The following USP9X variants were observed in gnomAD, a reference collection of about 807,000 sequenced individuals.
USP9X encodes the protein ubiquitin specific peptidase 9 X-linked.
In USP9X, 7 loss-of-function variants were observed where a neutral mutation model predicts 190.3. The observed-to-expected ratio is 0.04, with a 90% confidence interval of 0.02 to 0.07. The LOEUF is 0.07. Ranked by LOEUF, USP9X falls within the 10% of genes least tolerant of loss-of-function variation. The pLI is 1.00. For missense variants in USP9X, 1,010 were observed against 1,916.9 expected (o/e 0.53, Z 8.83); for synonymous variants, 645 against 659.5 (o/e 0.98, Z 0.34).
chrX:41,226,569 T>C (rs1055971374), intron 41 of USP9X, among the ~76,000 whole-genome samples: 5 of 112,181 alleles, frequency 4.5e-5, no homozygotes, highest in Non-Finnish European at 7.5e-5. Context: ...TTAGTGGGGA[T>C]TGCGAAAGCC....
At chrX:41,218,296 TCAA>T in intron 36 of USP9X, 73 bp from the exon 37 acceptor site, 2 of 1,021,527 alleles carry the variant, frequency 2.0e-6, no homozygotes, top group Admixed American at 2.8e-5. Context: ...TTTTTTTGGT[TCAA>T]TGAGACTCAT....
intron 1 of USP9X, among the ~76,000 whole-genome samples, chrX:41,106,887 C>CTTT (rs60809399): frequency 1.3e-5 from 1 of 79,990 alleles, no homozygotes; most frequent in Non-Finnish European, 2.5e-5. Flanking sequence ...CTTTTCTTTT[C>CTTT]TTTTTTTTTT....
At position 41,148,347 on chromosome X, in the gene USP9X, A is replaced by G. The variant is rs768002795; in HGVS notation, c.1420-22A>G. The G allele has an allele frequency of 3.3e-6, 4 of 1,205,338 alleles. No individual in the cohort carries two copies. In the African/African-American group the frequency reaches 5.3e-5, roughly 16 times the overall value. ...TGGTGACTAAATATGTGTTGTTTTC[A>G]TGTCACTTAATTTTTTTCTAGGCCA... On this transcript the variant is annotated intron_variant, in intron 11 of 44. Transcript: ENST00000378308.
chrX:41,142,683 G>A (rs942662844), intron 9 of USP9X, among the ~76,000 whole-genome samples: 2 of 111,430 alleles, frequency 1.8e-5, no homozygotes, highest in African/African-American at 6.5e-5. Flanking sequence ...ACTTTATTCT[G>A]TTGCTATAGA....
intron 33 of USP9X, among the ~76,000 whole-genome samples, chrX:41,213,992 T>C (rs975195519): frequency 8.9e-6 from 1 of 112,286 alleles, no homozygotes; most frequent in African/African-American, 3.2e-5. Flanking sequence ...TATGCATGTG[T>C]CTCACCAGAA....
chrX:41,166,769 T>A (rs1345410708), intron 16 of USP9X, among the ~76,000 whole-genome samples: 1 of 112,077 alleles, frequency 8.9e-6, no homozygotes, highest in Non-Finnish European at 1.9e-5. Context: ...TGTTTGGATG[T>A]CTCACATATT....
chrX:41,184,338 G>GT, intron 22 of USP9X, 59 bp from the exon 23 acceptor site: 1 of 1,133,093 alleles, frequency 8.8e-7, no homozygotes, highest in Non-Finnish European at 1.2e-6. Context: ...ACAAATAGAA[G>GT]TTATTTTTTT....
At chrX:41,148,606 TG>T in intron 12 of USP9X, 31 bp downstream of exon 12, 1 of 1,176,510 alleles carries the variant, frequency 8.5e-7, no homozygotes, top group Non-Finnish European at 1.2e-6. Context: ...TCACTTTTTG[TG>T]ACTTTTCCCC....
chrX:41,123,169 CAGAT>C (rs1342412182), intron 1 of USP9X, among the ~76,000 whole-genome samples: 2 of 111,811 alleles, frequency 1.8e-5, no homozygotes, highest in Non-Finnish European at 1.9e-5. Context: ...AAATTGAAAA[CAGAT>C]AGTTTTTGCC....
At chrX:41,129,661 T>A (rs1219406506) in intron 3 of USP9X, among the ~76,000 whole-genome samples, 1 of 111,150 alleles carries the variant, frequency 9.0e-6, no homozygotes, top group Non-Finnish European at 1.9e-5. Flanking sequence ...TCCAAGAGAG[T>A]GAAGCTTTAA....
intron 1 of USP9X, among the ~76,000 whole-genome samples, chrX:41,114,146 C>T (rs936227757): frequency 8.9e-6 from 1 of 112,529 alleles, no homozygotes; most frequent in Non-Finnish European, 1.9e-5. Flanking sequence ...AAAATGATCT[C>T]TCATGTTCTC....
At chrX:41,115,231 A>AG (rs2062139167) in intron 1 of USP9X, among the ~76,000 whole-genome samples, 1 of 70,070 alleles carries the variant, frequency 1.4e-5, no homozygotes. Flanking sequence ...CAAAAAAAAA[A>AG]AAAAGAAAAA....
chrX:41,196,220 T>A, intron 26 of USP9X, 31 bp from the exon 27 acceptor site: 5 of 1,187,548 alleles, frequency 4.2e-6, no homozygotes, highest in Non-Finnish European at 5.7e-6. Flanking sequence ...ATGGAAATAA[T>A]GTATTAAATG....
chrX:41,139,157 TGAA>T (rs1423688010), intron 6 of USP9X, among the ~76,000 whole-genome samples: 2 of 112,558 alleles, frequency 1.8e-5, no homozygotes, highest in Non-Finnish European at 3.7e-5. Flanking sequence ...TTATAGTTAC[TGAA>T]GAAATAAAAT....
chrX:41,093,017 CCGA>C (rs2061965276), intron 1 of USP9X, among the ~76,000 whole-genome samples: 1 of 111,116 alleles, frequency 9.0e-6, no homozygotes, highest in African/African-American at 3.3e-5. Flanking sequence ...GGACCACAGG[CCGA>C]CATCACCTCA....
intron 1 of USP9X, among the ~76,000 whole-genome samples, chrX:41,100,224 CTAACACT>C (rs1243047179): frequency 8.9e-6 from 1 of 112,438 alleles, no homozygotes; most frequent in Non-Finnish European, 1.9e-5. Flanking sequence ...GTAACAATCA[CTAACACT>C]TAACACCTGT....
At chrX:41,225,774 G>A (rs750162749) in intron 41 of USP9X, among the ~76,000 whole-genome samples, 8 of 112,840 alleles carry the variant, frequency 7.1e-5, no homozygotes, top group Non-Finnish European at 1.1e-4. Context: ...ACAGCCAACA[G>A]CTCTGTAACT....
chrX:41,106,887 C>CTTTTTTTTTT (rs60809399), intron 1 of USP9X, among the ~76,000 whole-genome samples: 3 of 79,984 alleles, frequency 3.8e-5, no homozygotes, highest in Non-Finnish European at 7.5e-5. Context: ...CTTTTCTTTT[C>CTTTTTTTTTT]TTTTTTTTTT....
intron 31 of USP9X, among the ~76,000 whole-genome samples, chrX:41,203,646 A>T (rs1282548009): frequency 1.8e-5 from 2 of 111,683 alleles, no homozygotes; most frequent in Non-Finnish European, 3.8e-5. Context: ...ATTTCCAGGC[A>T]TATGCTCAGA....
Sources: allele counts gnomAD v4.1 joint callset (sites outside exome capture counted in the v4.1 genomes callset), GRCh38; gene constraint gnomAD v4.1.1; transcripts MANE v1.5; gene names NCBI Gene and HGNC (gene_info 2026-07-23, HGNC 2026-07-21).